Variants in CSMD1 observed in about 807,000 individuals in gnomAD.
The protein encoded by CSMD1 is CUB and sushi domain-containing protein 1.
In CSMD1, 213 loss-of-function variants were observed where a neutral mutation model predicts 417.5. That is an observed-to-expected ratio of 0.51 (90% CI 0.46 to 0.57). The LOEUF is 0.57. CSMD1 is among the 20% of genes least tolerant of loss of function. The probability of loss-of-function intolerance (pLI) is 0.00; values close to 1 mark genes in which losing one functional copy is unlikely to be tolerated. For synonymous variants in CSMD1, 2,862 were observed against 1,736.8 expected, an observed-to-expected ratio of 1.65 and a Z score of -16.11; for missense variants, 6,923 against 4,529.7, an observed-to-expected ratio of 1.53 and a Z score of -15.17.
intron 5 of CSMD1, among the ~76,000 whole-genome samples, chr8:3,918,289 A>C (rs1292594351): frequency 7.2e-5 from 11 of 152,054 alleles, no homozygotes; most frequent in African/African-American, 2.7e-4. Flanking sequence ...AACTCTTTTC[A>C]TAAGGACTGA....
intron 3 of CSMD1, among the ~76,000 whole-genome samples, chr8:4,416,650 G>T (rs1041061680): frequency 6.6e-6 from 1 of 151,954 alleles, no homozygotes; most frequent in African/African-American, 2.4e-5. Flanking sequence ...AAGTACATCA[G>T]AGAGAGAGGC....
intron 3 of CSMD1, among the ~76,000 whole-genome samples, chr8:4,083,929 C>G (rs941768531): frequency 3.9e-5 from 6 of 152,090 alleles, no homozygotes; most frequent in Admixed American, 3.9e-4. Flanking sequence ...AGAAAACTTT[C>G]GCAACCTACT....
intron 62 of CSMD1, among the ~76,000 whole-genome samples, chr8:2,959,701 A>C (rs2128924424): frequency 6.6e-6 from 1 of 152,320 alleles, no homozygotes; most frequent in Admixed American, 6.5e-5. Flanking sequence ...TAACACAGGG[A>C]CATTTCACAC....
chr8:4,808,945 T>C (rs760069875), intron 1 of CSMD1, among the ~76,000 whole-genome samples: 1 of 152,232 alleles, frequency 6.6e-6, no homozygotes, highest in Non-Finnish European at 1.5e-5. Context: ...GAAATCATTC[T>C]TCAAGAACAT....
intron 7 of CSMD1, among the ~76,000 whole-genome samples, chr8:3,667,272 G>A (rs529667659): frequency 6.6e-6 from 1 of 152,090 alleles, no homozygotes; most frequent in African/African-American, 2.4e-5. Flanking sequence ...TTTATGATAT[G>A]TCAGATTATA....
intron 2 of CSMD1, among the ~76,000 whole-genome samples, chr8:4,530,414 T>C (rs1021709554): frequency 4.1e-5 from 6 of 147,154 alleles, no homozygotes; most frequent in African/African-American, 1.5e-4. Flanking sequence ...GCCATGGTGG[T>C]TTGCTGCATC....
chr8:3,754,850 GACT>G (rs1195935138), intron 5 of CSMD1, among the ~76,000 whole-genome samples: 1 of 152,186 alleles, frequency 6.6e-6, no homozygotes, highest in Non-Finnish European at 1.5e-5. Context: ...CCATTTGCAG[GACT>G]AAGAACCTGG....
intron 3 of CSMD1, among the ~76,000 whole-genome samples, chr8:4,392,638 G>A (rs55879555): frequency 0.2 from 30,963 of 151,500 alleles, 3,520 homozygotes; most frequent in East Asian, 0.31. Flanking sequence ...GGGTTTTTTG[G>A]GGGGGAGGGT....
chr8:4,582,792 G>A (rs955289736), intron 2 of CSMD1, among the ~76,000 whole-genome samples: 14 of 152,222 alleles, frequency 9.2e-5, no homozygotes, highest in East Asian at 1.9e-4. Flanking sequence ...GGCCAAGGCC[G>A]GAGCCCACTC....
intron 3 of CSMD1, among the ~76,000 whole-genome samples, chr8:4,205,446 C>T (rs528085318): frequency 9.9e-5 from 15 of 152,280 alleles, no homozygotes; most frequent in East Asian, 5.8e-4. Flanking sequence ...TTTCATGATG[C>T]GCCCATTTAT....
intron 12 of CSMD1, among the ~76,000 whole-genome samples, chr8:3,452,928 C>G (rs1268390199): frequency 6.6e-6 from 1 of 152,156 alleles, no homozygotes; most frequent in Non-Finnish European, 1.5e-5. Flanking sequence ...TAGAATTCGG[C>G]TGTGAATCCA....
At chr8:4,534,849 G>A (rs763573359) in intron 2 of CSMD1, among the ~76,000 whole-genome samples, 5 of 152,028 alleles carry the variant, frequency 3.3e-5, no homozygotes, top group East Asian at 1.9e-4. Context: ...TGCAAGCTCC[G>A]CCTCCCGGGT....
intron 4 of CSMD1, among the ~76,000 whole-genome samples, chr8:4,030,486 C>CTGGAGCTGAA (rs956413517): frequency 3.3e-5 from 5 of 152,208 alleles, no homozygotes; most frequent in Non-Finnish European, 2.9e-5. Context: ...CTTTCAGCCA[C>CTGGAGCTGAA]AGTTGGAGCA....
intron 5 of CSMD1, among the ~76,000 whole-genome samples, chr8:3,783,416 G>A (rs1404903730): frequency 2.6e-5 from 4 of 152,204 alleles, no homozygotes; most frequent in East Asian, 1.9e-4. Flanking sequence ...ACAGTCAGGC[G>A]GCCCTGGGCG....
chr8:3,853,596 G>T (rs915690083), intron 5 of CSMD1, among the ~76,000 whole-genome samples: 2 of 151,842 alleles, frequency 1.3e-5, no homozygotes, highest in Admixed American at 6.6e-5. Flanking sequence ...TAAAAAAGAA[G>T]GCACTTATGA....
At chr8:4,654,237 A>G (rs1804085186) in intron 1 of CSMD1, among the ~76,000 whole-genome samples, 1 of 152,150 alleles carries the variant, frequency 6.6e-6, no homozygotes, top group Non-Finnish European at 1.5e-5. Context: ...AATATGTCTC[A>G]GGAATTCAAT....
chr8:3,844,168 T>C (rs988108841), intron 5 of CSMD1, among the ~76,000 whole-genome samples: 2 of 152,216 alleles, frequency 1.3e-5, no homozygotes, highest in Non-Finnish European at 2.9e-5. Context: ...GGCATTAACT[T>C]AGAAAGGCTT....
At chr8:4,937,431 T>C (rs1563813074) in intron 1 of CSMD1, among the ~76,000 whole-genome samples, 1 of 152,150 alleles carries the variant, frequency 6.6e-6, no homozygotes, top group Non-Finnish European at 1.5e-5. Flanking sequence ...AAAATAGTGT[T>C]TTTCTCTATG....
At chr8:3,495,092 G>A (rs913582441) in intron 10 of CSMD1, among the ~76,000 whole-genome samples, 2 of 152,134 alleles carry the variant, frequency 1.3e-5, no homozygotes, top group South Asian at 4.1e-4. Context: ...TGCAGTATTT[G>A]TATGAATACA....
Sources: gnomAD v4.1 joint callset for allele counts (sites outside exome capture counted in the v4.1 genomes callset) on GRCh38, gnomAD v4.1.1 for gene constraint, MANE v1.5 for transcripts, NCBI Gene and HGNC (gene_info 2026-07-23, HGNC 2026-07-21) for gene names.